The following AGTPBP1 variants were observed in gnomAD, a reference collection of about 807,000 sequenced individuals.
AGTPBP1 encodes the protein cytosolic carboxypeptidase 1.
AGTPBP1 carries 70 observed loss-of-function variants against 143.9 expected under a neutral mutation model. The ratio of observed to expected loss-of-function variants is 0.49; its 90% CI spans 0.40 to 0.59. The LOEUF (loss-of-function observed/expected upper bound fraction) is 0.59, where lower values mean the gene tolerates loss of function less well. Among genes scored for constraint, AGTPBP1 ranks in the 20% least tolerant of loss-of-function variants. The probability of loss-of-function intolerance (pLI) is 0.00; values close to 1 mark genes in which losing one functional copy is unlikely to be tolerated. For synonymous variants in AGTPBP1, 463 were observed against 500.2 expected (o/e 0.93, Z 0.99); for missense variants, 1,229 against 1,464.5 (o/e 0.84, Z 2.62).
chr9:85,632,855 T>C lies in AGTPBP1; in HGVS notation c.1822A>G (p.Asn608Asp). 1 of 1,614,172 alleles carries C rather than the reference T, an allele frequency of 6.2e-7. No individual in the cohort carries two copies. Among genetic ancestry groups the C allele is most frequent in the Admixed American group, 1.7e-5 (1 of 60,016 alleles). ...ACCGATGCTTGTTCTACCGATGAAT[T>C]TGACTCAGTATCTTCATCATCTTCA... ...ETEDDEDTES[N>D]SSVEQASVEV... The change falls in exon 14 of 26, where the codon AAT becomes GAT. Residue 608 changes from asparagine to aspartate, a missense_variant. By Grantham distance (23) the Asn-to-Asp change is conservative. Around this residue, in one of 2 missense-constraint regions of AGTPBP1, gnomAD observed 743 missense variants for 812.2 expected, o/e 0.91. Coordinates refer to ENST00000357081, the MANE Select transcript of AGTPBP1 (RefSeq NM_001330701.2).
chr9:85,578,073 T>C (rs1828009215), intron 24 of AGTPBP1, among the ~76,000 whole-genome samples: 1 of 152,238 alleles, frequency 6.6e-6, no homozygotes, highest in Admixed American at 6.5e-5. Flanking sequence ...AATTTTTCTG[T>C]GCCAAGGCAA....
intron 1 of AGTPBP1, among the ~76,000 whole-genome samples, chr9:85,729,842 C>T (rs1006807332): frequency 1.3e-5 from 2 of 152,178 alleles, no homozygotes; most frequent in Non-Finnish European, 2.9e-5. Context: ...CATCACCTCA[C>T]ACCTGTTAGG....
chr9:85,667,332 C>T (rs767639037), intron 8 of AGTPBP1, among the ~76,000 whole-genome samples: 1 of 152,012 alleles, frequency 6.6e-6, no homozygotes, highest in Non-Finnish European at 1.5e-5. Context: ...GGTGAAAACA[C>T]TGGAAATGTC....
chr9:85,637,815 T>G (rs1026550237), intron 13 of AGTPBP1, among the ~76,000 whole-genome samples: 1 of 152,190 alleles, frequency 6.6e-6, no homozygotes, highest in African/African-American at 2.4e-5. Flanking sequence ...GTTGATTTTT[T>G]AAAAGTAACC....
the AGTPBP1 span, among the ~76,000 whole-genome samples, chr9:85,790,924 T>C: frequency 6.6e-6 from 1 of 152,198 alleles, no homozygotes; most frequent in African/African-American, 2.4e-5. Context: ...TAATGATTCT[T>C]GGAAATTTAA....
At chr9:85,802,226 A>G in the AGTPBP1 span, among the ~76,000 whole-genome samples, 5 of 152,120 alleles carry the variant, frequency 3.3e-5, no homozygotes, top group East Asian at 3.9e-4. Context: ...AAAAACACCA[A>G]TTCAGTCACT....
At chr9:85,769,520 CAAAAA>C in the AGTPBP1 span, among the ~76,000 whole-genome samples, 3 of 60,894 alleles carry the variant, frequency 4.9e-5, no homozygotes, top group Non-Finnish European at 8.3e-5. Flanking sequence ...ACCCTGTGTC[CAAAAA>C]AAAAAAAAAA....
chr9:85,602,258 C>T (rs953671840), intron 17 of AGTPBP1, among the ~76,000 whole-genome samples: 6 of 151,652 alleles, frequency 4.0e-5, no homozygotes, highest in African/African-American at 1.5e-4. Flanking sequence ...ATCAGAAAAA[C>T]AATTCAGATG....
chr9:85,766,775 C>T, the AGTPBP1 span, among the ~76,000 whole-genome samples: 6 of 152,284 alleles, frequency 3.9e-5, no homozygotes, highest in African/African-American at 1.4e-4. Flanking sequence ...AGATCTGTCA[C>T]TAGCAGATGA....
chr9:85,562,216 C>A, intron 25 of AGTPBP1, among the ~76,000 whole-genome samples: 1 of 146,708 alleles, frequency 6.8e-6, no homozygotes. Flanking sequence ...ATCTACCAAT[C>A]TAAAAGAAAG....
chr9:85,798,255 T>C, the AGTPBP1 span, among the ~76,000 whole-genome samples: 1 of 152,164 alleles, frequency 6.6e-6, no homozygotes, highest in South Asian at 2.1e-4. Context: ...GTTCTCCTTC[T>C]AGCAGTTTCC....
intron 7 of AGTPBP1, 96 bp from the exon 8 acceptor site, chr9:85,669,674 G>GT (rs1834361094): frequency 2.9e-6 from 2 of 695,546 alleles, no homozygotes; most frequent in Admixed American, 2.3e-5. Context: ...TATACAAATT[G>GT]TTTAGTAAAT....
chr9:85,689,925 A>AAAAAAAAAAAAAAAAAAAAAAAAT (rs58719163), intron 3 of AGTPBP1, among the ~76,000 whole-genome samples: 1 of 72,498 alleles, frequency 1.4e-5, no homozygotes, highest in African/African-American at 6.9e-5. Context: ...AAAAAAAAAA[A>AAAAAAAAAAAAAAAAAAAAAAAAT]ATATATATAT....
At chr9:85,729,301 T>C (rs1001272662) in intron 1 of AGTPBP1, among the ~76,000 whole-genome samples, 17 of 152,062 alleles carry the variant, frequency 1.1e-4, no homozygotes, top group South Asian at 2.1e-4. Context: ...AAACATACAA[T>C]GGAATACTAT....
At chr9:85,753,166 TGA>T in the AGTPBP1 span, 1 of 1,043,732 alleles carries the variant, frequency 9.6e-7, no homozygotes, top group Non-Finnish European at 1.4e-6. Flanking sequence ...TTTGAGGCTG[TGA>T]TTGTGCCACT....
chr9:85,571,559 G>C (rs1478562484), intron 25 of AGTPBP1, among the ~76,000 whole-genome samples: 1 of 152,140 alleles, frequency 6.6e-6, no homozygotes, highest in Non-Finnish European at 1.5e-5. Context: ...CAGTTTCAAA[G>C]TACGTGCCCA....
At chr9:85,689,819 C>T (rs920670606) in intron 3 of AGTPBP1, among the ~76,000 whole-genome samples, 1 of 137,798 alleles carries the variant, frequency 7.3e-6, no homozygotes, top group Non-Finnish European at 1.5e-5. Context: ...GGCTTGAACT[C>T]GGGAAGTGGA....
At chr9:85,708,687 A>G (rs1837174511) in intron 2 of AGTPBP1, among the ~76,000 whole-genome samples, 1 of 151,906 alleles carries the variant, frequency 6.6e-6, no homozygotes, top group Non-Finnish European at 1.5e-5. Context: ...ACAGGCATCC[A>G]CCACCACGCC....
rs143262800 is a variant in AGTPBP1, at chr9:85,594,551, T to C, written c.2423+1811A>G. ...GGCTGCAGTGAGTCGGACTGCACCATTGCTTTCCAGCCTGGGCAACAGGGC... is the reference window on the plus strand; with the variant it reads ...GGCTGCAGTGAGTCGGACTGCACCACTGCTTTCCAGCCTGGGCAACAGGGC... On this transcript the variant is annotated intron_variant, in intron 18 of 25. Transcript: ENST00000357081. Among the ~76,000 whole-genome samples, 225 of 152,006 alleles carry C rather than the reference T, an allele frequency of 1.5e-3. 3 individuals are homozygous for C. The East Asian group carries it at 0.03, about 20-fold the overall frequency.
Sources: allele counts gnomAD v4.1 joint callset (sites outside exome capture counted in the v4.1 genomes callset), GRCh38; gene constraint gnomAD v4.1.1; regional missense constraint gnomAD v4.1.1; transcripts MANE v1.5; gene names NCBI Gene and HGNC (gene_info 2026-07-23, HGNC 2026-07-21).